The following C12orf56 variants were observed in gnomAD, a reference collection of about 807,000 sequenced individuals.
C12orf56 encodes chromosome 12 open reading frame 56, also known as uncharacterized protein C12orf56.
A neutral mutation model predicts 69.9 loss-of-function variants in C12orf56; 71 were observed. That is an observed-to-expected ratio of 1.02 (90% CI 0.84 to 1.24). The LOEUF (loss-of-function observed/expected upper bound fraction) is 1.24, where lower values mean the gene tolerates loss of function less well. Ranked by LOEUF, C12orf56 falls within the 50% of genes most tolerant of loss-of-function variation. C12orf56 has a pLI of 0.00. For missense variants in C12orf56, 732 were observed against 738.5 expected (o/e 0.99, Z 0.10); for synonymous variants, 276 against 274.1 (o/e 1.01, Z -0.07).
chr12:64,345,503 T>G (rs1410137550), intron 2 of C12orf56, among the ~76,000 whole-genome samples: 3 of 152,150 alleles, frequency 2.0e-5, no homozygotes, highest in Non-Finnish European at 4.4e-5. Flanking sequence ...AGTTGCAGGG[T>G]CCCTTTCTTT....
chr12:64,354,714 G>A (rs538535724), intron 1 of C12orf56, among the ~76,000 whole-genome samples: 1 of 148,132 alleles, frequency 6.8e-6, no homozygotes, highest in Admixed American at 6.7e-5. Flanking sequence ...TGATCCATCC[G>A]CCTCAGCCTC....
chr12:64,343,700 C>G (rs1447434127), intron 2 of C12orf56, among the ~76,000 whole-genome samples: 1 of 152,216 alleles, frequency 6.6e-6, no homozygotes, highest in Non-Finnish European at 1.5e-5. Flanking sequence ...AAATGGGAGA[C>G]AGATGAACAG....
chr12:64,294,665 CTGTGGGTTGCAGGGGT>C (rs2038340976), intron 6 of C12orf56, among the ~76,000 whole-genome samples: 1 of 151,522 alleles, frequency 6.6e-6, no homozygotes, highest in South Asian at 2.1e-4. Context: ...TTTCCAGGGG[CTGTGGGTTGCAGGGGT>C]GGGATGGGGG....
intron 11 of C12orf56, among the ~76,000 whole-genome samples, chr12:64,273,625 T>A (rs1341599561): frequency 3.9e-5 from 6 of 152,208 alleles, no homozygotes; most frequent in African/African-American, 1.4e-4. Flanking sequence ...TACCAGTGCT[T>A]TGCTTGAAAC....
At chr12:64,359,779 T>A (rs2039373767) in intron 1 of C12orf56, among the ~76,000 whole-genome samples, 1 of 152,272 alleles carries the variant, frequency 6.6e-6, no homozygotes, top group African/African-American at 2.4e-5. Flanking sequence ...AGTGGCATAA[T>A]CTTGGCTCAC....
intron 1 of C12orf56, among the ~76,000 whole-genome samples, chr12:64,365,804 A>T (rs1280124587): frequency 7.1e-6 from 1 of 140,720 alleles, no homozygotes; most frequent in Non-Finnish European, 1.5e-5. Context: ...TATATTATGT[A>T]TAATATATAG....
intron 2 of C12orf56, chr12:64,338,442 C>G: frequency 2.4e-6 from 2 of 817,772 alleles, no homozygotes; most frequent in South Asian, 2.6e-5. Context: ...TCCTTTTGCA[C>G]CGCAGACTTT....
chr12:64,276,353 G>A (rs1336695770), intron 9 of C12orf56, among the ~76,000 whole-genome samples: 5 of 152,142 alleles, frequency 3.3e-5, no homozygotes, highest in African/African-American at 1.2e-4. Flanking sequence ...TGTACAGGAA[G>A]TTAAGGGAGC....
intron 4 of C12orf56, among the ~76,000 whole-genome samples, chr12:64,314,810 A>AT (rs1368329715): frequency 1.4e-5 from 2 of 144,866 alleles, no homozygotes; most frequent in African/African-American, 2.6e-5. Context: ...AATTTTTTCT[A>AT]TTTTTTAGTA....
chr12:64,347,039 G>A (rs981059451), intron 2 of C12orf56, among the ~76,000 whole-genome samples: 10 of 151,188 alleles, frequency 6.6e-5, no homozygotes, highest in Admixed American at 1.3e-4. Flanking sequence ...GCAGTGGCAC[G>A]ATCTCAGCTC....
chr12:64,352,086 TG>T (rs1411236960), intron 2 of C12orf56, among the ~76,000 whole-genome samples: 31 of 108,614 alleles, frequency 2.9e-4, no homozygotes, highest in African/African-American at 9.1e-4. Context: ...AAGGTTTTTT[TG>T]TTTTTGTTTT....
At chr12:64,313,272 A>AG (rs1565751188) in intron 4 of C12orf56, among the ~76,000 whole-genome samples, 2 of 130,274 alleles carry the variant, frequency 1.5e-5, no homozygotes, top group South Asian at 2.9e-4. Flanking sequence ...AAAAAAAAAA[A>AG]AAAAAGAAAG....
chr12:64,347,084 T>C (rs2039153954), intron 2 of C12orf56, among the ~76,000 whole-genome samples: 1 of 151,868 alleles, frequency 6.6e-6, no homozygotes, highest in Non-Finnish European at 1.5e-5. Context: ...CAAGTGATTC[T>C]CCTGCCTCAG....
At chr12:64,293,013 G>A (rs1592425818) in intron 6 of C12orf56, among the ~76,000 whole-genome samples, 1 of 151,670 alleles carries the variant, frequency 6.6e-6, no homozygotes, top group East Asian at 2.0e-4. Flanking sequence ...GACTCCGTGG[G>A]CGTAGGACCC....
At chr12:64,333,111 A>C (rs987637692) in intron 2 of C12orf56, among the ~76,000 whole-genome samples, 2 of 152,234 alleles carry the variant, frequency 1.3e-5, no homozygotes, top group Non-Finnish European at 2.9e-5. Context: ...ATGACTCATC[A>C]ATCAGACAGG....
At chr12:64,344,886 C>T (rs1315126629) in intron 2 of C12orf56, among the ~76,000 whole-genome samples, 1 of 152,120 alleles carries the variant, frequency 6.6e-6, no homozygotes, top group Non-Finnish European at 1.5e-5. Flanking sequence ...AGTGGGCCAT[C>T]GTTTAATCCA....
chr12:64,358,167 A>G (rs1592485253), intron 1 of C12orf56, among the ~76,000 whole-genome samples: 1 of 152,158 alleles, frequency 6.6e-6, no homozygotes, highest in South Asian at 2.1e-4. Context: ...TCATTTAGAA[A>G]TCATAATCTC....
Position 64,312,766 on chromosome 12 carries a change from A to G in C12orf56, c.895-14T>C, listed in dbSNP as rs374466083. The G allele has an allele frequency of 3.4e-4, 516 of 1,521,854 alleles. 8 individuals carry two copies. In the South Asian group the frequency reaches 5.1e-3, roughly 15 times the overall value. 94.3% of individuals were successfully genotyped at this position (1,521,854 alleles called of 1,614,324 possible). A position where few individuals can be genotyped will look rare whatever the true frequency, so the allele number is the denominator to read the frequency against. ...AAGAGTAGCTTTCTGAAAAAGGAAA[A>G]AGTAGAAATTGTTAGAATTTTTATT... On this transcript the variant is annotated splice_polypyrimidine_tract_variant and intron_variant, in intron 4 of 12. Transcript: ENST00000543942.
At chr12:64,310,105 C>G (rs918425336) in intron 5 of C12orf56, among the ~76,000 whole-genome samples, 38 of 151,704 alleles carry the variant, frequency 2.5e-4, no homozygotes, top group African/African-American at 8.5e-4. Flanking sequence ...ACAGCCTCCA[C>G]CTCCCAGGCT....
Sources: gnomAD v4.1 joint callset for allele counts (sites outside exome capture counted in the v4.1 genomes callset) on GRCh38, gnomAD v4.1.1 for gene constraint, MANE v1.5 for transcripts, NCBI Gene and HGNC (gene_info 2026-07-23, HGNC 2026-07-21) for gene names.